Variants in TRPM3 observed in about 807,000 individuals in gnomAD.
TRPM3 encodes the protein transient receptor potential cation channel subfamily M member 3, also known as long transient receptor potential channel 3.
A neutral mutation model predicts 181.2 loss-of-function variants in TRPM3; 77 were observed. The ratio of observed to expected loss-of-function variants is 0.42; its 90% confidence interval spans 0.35 to 0.51. The LOEUF is 0.51. Ranked by LOEUF, TRPM3 falls within the 20% of genes least tolerant of loss-of-function variation. The pLI, the probability that TRPM3 is intolerant of heterozygous loss-of-function variation, is 0.01. For synonymous variants in TRPM3, 745 were observed against 796.4 expected, an observed-to-expected ratio of 0.94 and a Z score of 1.09; for missense variants, 1,759 against 2,196.7, an observed-to-expected ratio of 0.80 and a Z score of 3.98.
chr9:71,397,962 A>G (rs2093240280), intron 1 of TRPM3, among the ~76,000 whole-genome samples: 1 of 152,154 alleles, frequency 6.6e-6, no homozygotes, highest in Non-Finnish European at 1.5e-5. Flanking sequence ...TGTCAACTGT[A>G]ACAACCATGT....
At chr9:70,862,442 G>A (rs1229425386) in intron 3 of TRPM3, among the ~76,000 whole-genome samples, 5 of 152,098 alleles carry the variant, frequency 3.3e-5, no homozygotes, top group African/African-American at 1.2e-4. Context: ...TTAGAACAAG[G>A]AAAGAAATAG....
chr9:71,376,593 C>T (rs2092672659), intron 1 of TRPM3, among the ~76,000 whole-genome samples: 1 of 151,834 alleles, frequency 6.6e-6, no homozygotes, highest in African/African-American at 2.4e-5. Flanking sequence ...TAACAAAGAA[C>T]GTCTGGCACA....
chr9:70,973,253 T>C (rs568983249), intron 1 of TRPM3, among the ~76,000 whole-genome samples: 2 of 152,296 alleles, frequency 1.3e-5, no homozygotes, highest in African/African-American at 4.8e-5. Context: ...GTCTACATTA[T>C]CATACTGACA....
intron 1 of TRPM3, among the ~76,000 whole-genome samples, chr9:70,956,805 G>T (rs1256122645): frequency 6.6e-6 from 1 of 151,702 alleles, no homozygotes; most frequent in Non-Finnish European, 1.5e-5. Context: ...AGGATCACTT[G>T]AGCCCAGGAG....
intron 1 of TRPM3, among the ~76,000 whole-genome samples, chr9:71,165,021 G>A (rs372323881): frequency 6.6e-6 from 1 of 152,060 alleles, no homozygotes; most frequent in Non-Finnish European, 1.5e-5. Flanking sequence ...AAGTCTGATT[G>A]ATCAAATAAT....
chr9:71,092,739 T>C (rs547111650), intron 1 of TRPM3, among the ~76,000 whole-genome samples: 1 of 152,316 alleles, frequency 6.6e-6, no homozygotes, highest in East Asian at 1.9e-4. Context: ...TGTTATAATG[T>C]AGCTCTTACA....
At chr9:70,700,120 C>A (rs193183933) in intron 8 of TRPM3, among the ~76,000 whole-genome samples, 144 of 152,200 alleles carry the variant, frequency 9.5e-4, no homozygotes, top group Non-Finnish European at 1.8e-3. Flanking sequence ...GTAGCTTAGA[C>A]TACAGGCATG....
intron 1 of TRPM3, among the ~76,000 whole-genome samples, chr9:70,980,968 T>G (rs2097358007): frequency 6.6e-6 from 1 of 152,230 alleles, no homozygotes; most frequent in African/African-American, 2.4e-5. Context: ...CCGATACATA[T>G]GTACACATGC....
At chr9:71,009,797 C>A (rs543070442) in intron 1 of TRPM3, among the ~76,000 whole-genome samples, 1 of 152,070 alleles carries the variant, frequency 6.6e-6, no homozygotes, top group South Asian at 2.1e-4. Flanking sequence ...ATTAACAAAG[C>A]GGGAGGCATC....
At chr9:70,947,471 T>C (rs1198213651) in intron 1 of TRPM3, among the ~76,000 whole-genome samples, 1 of 152,138 alleles carries the variant, frequency 6.6e-6, no homozygotes, top group East Asian at 1.9e-4. Context: ...ATTTTTATTT[T>C]GTATTCACTT....
chr9:70,835,014 C>T (rs984357587), intron 5 of TRPM3, among the ~76,000 whole-genome samples: 11 of 152,106 alleles, frequency 7.2e-5, no homozygotes, highest in Admixed American at 5.2e-4. Context: ...GCCCTCCCCA[C>T]GGTAATTAGG....
At chr9:70,921,926 CACACACACACAAACAA>C in intron 1 of TRPM3, among the ~76,000 whole-genome samples, 1 of 131,296 alleles carries the variant, frequency 7.6e-6, no homozygotes, top group Non-Finnish European at 1.6e-5. Flanking sequence ...TATACACACA[CACACACACACAAACAA>C]ACACACACAC....
At chr9:71,185,176 G>A (rs557897062) in intron 1 of TRPM3, among the ~76,000 whole-genome samples, 2 of 152,186 alleles carry the variant, frequency 1.3e-5, no homozygotes, top group African/African-American at 4.8e-5. Context: ...ACACTCTAAT[G>A]TAATAAAAAT....
chr9:70,812,841 G>A (rs2092268287), intron 6 of TRPM3, among the ~76,000 whole-genome samples: 1 of 152,176 alleles, frequency 6.6e-6, no homozygotes, highest in African/African-American at 2.4e-5. Context: ...GGTGAGATTA[G>A]TGGTACTATG....
intron 9 of TRPM3, among the ~76,000 whole-genome samples, chr9:70,644,625 G>A (rs996328504): frequency 2.0e-5 from 3 of 152,162 alleles, no homozygotes; most frequent in African/African-American, 4.8e-5. Context: ...AAAGCTGGAA[G>A]TATTCCCTTT....
At chr9:71,232,818 T>A (rs892953306) in intron 1 of TRPM3, among the ~76,000 whole-genome samples, 21 of 152,274 alleles carry the variant, frequency 1.4e-4, no homozygotes, top group African/African-American at 4.3e-4. Context: ...CTGTAACTTG[T>A]ATCCTTCTCC....
chr9:70,837,273 T>C (rs2094386090), intron 5 of TRPM3, among the ~76,000 whole-genome samples: 1 of 152,172 alleles, frequency 6.6e-6, no homozygotes, highest in South Asian at 2.1e-4. Context: ...CAATCAATTG[T>C]GTTATTGAAC....
intron 1 of TRPM3, among the ~76,000 whole-genome samples, chr9:71,114,419 C>T (rs1021642485): frequency 4.6e-5 from 7 of 152,212 alleles, no homozygotes; most frequent in African/African-American, 1.7e-4. Context: ...GCCACATGCT[C>T]AAGAGCCAGG....
intron 1 of TRPM3, among the ~76,000 whole-genome samples, chr9:71,357,493 A>G (rs1005377801): frequency 1.3e-5 from 2 of 152,134 alleles, no homozygotes; most frequent in African/African-American, 4.8e-5. Flanking sequence ...GCATACAAAG[A>G]TAGCAGTACT....
Sources: gnomAD v4.1 joint callset for allele counts (sites outside exome capture counted in the v4.1 genomes callset) on GRCh38, gnomAD v4.1.1 for gene constraint, MANE v1.5 for transcripts, NCBI Gene and HGNC (gene_info 2026-07-23, HGNC 2026-07-21) for gene names.